The following COMMD10 variants were observed in gnomAD, a reference collection of about 807,000 sequenced individuals.
COMMD10 encodes the protein COMM domain containing 10.
COMMD10 carries 33 observed loss-of-function variants against 28.9 expected under a neutral mutation model. The ratio of observed to expected loss-of-function variants is 1.14; its 90% CI spans 0.87 to 1.53. COMMD10 has a LOEUF of 1.53. COMMD10 is among the 40% of genes most tolerant of loss of function. COMMD10 has a pLI of 0.00. For synonymous variants in COMMD10, 110 were observed against 81.7 expected (o/e 1.35, Z -1.87); for missense variants, 310 against 233.4 (o/e 1.33, Z -2.14).
At chr5:116,249,799 T>A (rs888224454) in intron 5 of COMMD10, among the ~76,000 whole-genome samples, 1 of 151,916 alleles carries the variant, frequency 6.6e-6, no homozygotes, top group Non-Finnish European at 1.5e-5. Flanking sequence ...TTGTTATATT[T>A]GTGTTTTGGG....
chr5:116,251,461 G>A (rs1461193453), intron 5 of COMMD10, among the ~76,000 whole-genome samples: 1 of 111,340 alleles, frequency 9.0e-6, no homozygotes, highest in African/African-American at 3.4e-5. Context: ...CCACACAACA[G>A]TCCCCAGAGT....
At chr5:116,237,409 T>G (rs1016036752) in intron 5 of COMMD10, among the ~76,000 whole-genome samples, 1 of 152,154 alleles carries the variant, frequency 6.6e-6, no homozygotes, top group African/African-American at 2.4e-5. Flanking sequence ...GATGTAACAT[T>G]GCAGTTTTAC....
intron 4 of COMMD10, among the ~76,000 whole-genome samples, chr5:116,096,537 A>C (rs1750475529): frequency 6.6e-6 from 1 of 152,050 alleles, no homozygotes; most frequent in East Asian, 1.9e-4. Flanking sequence ...TCTGTGAATA[A>C]AGACAGTTTT....
At chr5:116,270,197 T>C (rs1750717023) in intron 5 of COMMD10, among the ~76,000 whole-genome samples, 1 of 151,948 alleles carries the variant, frequency 6.6e-6, no homozygotes, top group Admixed American at 6.6e-5. Flanking sequence ...TGGCAGACTT[T>C]AACTGGATGC....
At chr5:116,230,794 C>G (rs751554833) in intron 5 of COMMD10, among the ~76,000 whole-genome samples, 1 of 152,028 alleles carries the variant, frequency 6.6e-6, no homozygotes, top group Non-Finnish European at 1.5e-5. Flanking sequence ...CTTGAAGTTG[C>G]CTTGACAAGC....
chr5:116,115,395 G>A (rs1180833618), intron 4 of COMMD10, among the ~76,000 whole-genome samples: 4 of 152,098 alleles, frequency 2.6e-5, no homozygotes, highest in African/African-American at 9.7e-5. Context: ...TGGAGTTTCT[G>A]TTTGCTTTTC....
chr5:116,291,817 A>T (rs1751372294), intron 6 of COMMD10, among the ~76,000 whole-genome samples: 1 of 152,174 alleles, frequency 6.6e-6, no homozygotes, highest in African/African-American at 2.4e-5. Flanking sequence ...GCTTTAATAT[A>T]AAACATTAAG....
At chr5:116,092,421 G>A (rs2112711593) in intron 3 of COMMD10, 124 bp from the exon 4 acceptor site, 1 of 545,748 alleles carries the variant, frequency 1.8e-6, no homozygotes, top group East Asian at 3.2e-5. Context: ...CAAAAATGTT[G>A]GTAATAGGAC....
intron 5 of COMMD10, among the ~76,000 whole-genome samples, chr5:116,179,581 G>A (rs1203856375): frequency 1.3e-5 from 2 of 152,086 alleles, no homozygotes; most frequent in African/African-American, 4.8e-5. Flanking sequence ...TAAAAGACCT[G>A]GCACAGAGCA....
chr5:116,147,195 A>G (rs968468850), intron 5 of COMMD10, among the ~76,000 whole-genome samples: 6 of 151,916 alleles, frequency 3.9e-5, no homozygotes, highest in African/African-American at 1.4e-4. Flanking sequence ...CGGTTAGTGC[A>G]CAAGGAACAG....
In COMMD10 at chr5:116,291,518, G is replaced by T. The variant is rs1274482609; in HGVS notation, c.512G>T (p.Ser171Ile). The T allele has an allele frequency of 6.3e-7, 1 of 1,598,656 alleles. No individual in the cohort carries two copies. Among genetic ancestry groups the T allele is most frequent in the Non-Finnish European group, 8.5e-7 (1 of 1,170,220 alleles). ...QLGVNNEDSK[S>I]LEKVLVEFSH... Reference sequence around the variant, plus strand: ...TTTTGTTGTTTTTCTTCCTTACAGAGCCTGGAGAAAGTTCTTGTGGAATTC... The same window carrying T: ...TTTTGTTGTTTTTCTTCCTTACAGATCCTGGAGAAAGTTCTTGTGGAATTC... The change falls in exon 6 of 7, where the codon AGC becomes ATC. Residue 171 changes from serine to isoleucine, a missense_variant and splice_region_variant. Coordinates refer to ENST00000274458, the MANE Select transcript of COMMD10 (RefSeq NM_016144.4).
chr5:116,241,582 T>TATTTATTTA (rs1561387682), intron 5 of COMMD10, among the ~76,000 whole-genome samples: 3 of 110,802 alleles, frequency 2.7e-5, no homozygotes, highest in Non-Finnish European at 5.7e-5. Context: ...CACTCTGCTT[T>TATTTATTTA]CTTATTTATT....
At chr5:116,108,982 G>A (rs1394786677) in intron 4 of COMMD10, among the ~76,000 whole-genome samples, 1 of 152,070 alleles carries the variant, frequency 6.6e-6, no homozygotes, top group African/African-American at 2.4e-5. Flanking sequence ...TCCCGGGTGA[G>A]GCAATGCCCC....
chr5:116,248,858 A>G (rs1348573371), intron 5 of COMMD10, among the ~76,000 whole-genome samples: 1 of 151,994 alleles, frequency 6.6e-6, no homozygotes, highest in African/African-American at 2.4e-5. Context: ...AGAAAAAAAC[A>G]AAAAAGCAAT....
chr5:116,255,896 T>C (rs949392310), intron 5 of COMMD10: 7 of 151,434 alleles, frequency 4.6e-5, no homozygotes, highest in African/African-American at 9.7e-5. Context: ...ATAATTCTTA[T>C]TTTTAAGCCA....
chr5:116,291,073 T>G (rs1388609886), intron 5 of COMMD10, among the ~76,000 whole-genome samples: 2 of 152,148 alleles, frequency 1.3e-5, no homozygotes, highest in African/African-American at 4.8e-5. Flanking sequence ...ACTGCTAGAT[T>G]AGTGCTTGGA....
intron 5 of COMMD10, among the ~76,000 whole-genome samples, chr5:116,170,146 G>A (rs1395227832): frequency 6.6e-6 from 1 of 152,106 alleles, no homozygotes; most frequent in African/African-American, 2.4e-5. Flanking sequence ...AAAGTCTCAG[G>A]ATACAAAATC....
chr5:116,291,028 T>C (rs995314554), intron 5 of COMMD10, among the ~76,000 whole-genome samples: 1 of 152,142 alleles, frequency 6.6e-6, no homozygotes, highest in Admixed American at 6.6e-5. Context: ...AGTCTATACA[T>C]TGAAGAAGGT....
Position 116,213,220 on chromosome 5 carries a change from T to G in COMMD10, c.511-78297T>G, listed in dbSNP as rs138913815. 2.4e-3 allele frequency among the ~76,000 whole-genome samples: 364 copies of G among 152,268 alleles called. 2 individuals are homozygous for G. The highest frequency in any genetic ancestry group is 8.4e-3 in the African/African-American group (347 of 41,546). On this transcript the variant is annotated intron_variant, in intron 5 of 6. Coordinates refer to ENST00000274458, the MANE Select transcript of COMMD10 (RefSeq NM_016144.4). ...ACCTTCTGAATATATTAATGATTAC[T>G]ACTAAAGCAATTCTTAATAATTTTT...
Sources: gnomAD v4.1 joint callset for allele counts (sites outside exome capture counted in the v4.1 genomes callset) on GRCh38, gnomAD v4.1.1 for gene constraint, MANE v1.5 for transcripts, NCBI Gene and HGNC (gene_info 2026-07-23, HGNC 2026-07-21) for gene names.